COL4A6: variants seen among roughly 807,000 people sequenced by gnomAD.
COL4A6 encodes the protein collagen alpha-6(IV) chain.
COL4A6 carries 59 observed loss-of-function variants against 126.7 expected under a neutral mutation model. That is an observed-to-expected ratio of 0.47 (90% CI 0.38 to 0.58). The LOEUF is 0.58. COL4A6 is among the 20% of genes least tolerant of loss of function. COL4A6 has a pLI of 0.00. For missense variants in COL4A6, 1,285 were observed against 1,337.3 expected, an observed-to-expected ratio of 0.96 and a Z score of 0.61; for synonymous variants, 547 against 496.6, an observed-to-expected ratio of 1.10 and a Z score of -1.35.
intron 2 of COL4A6, among the ~76,000 whole-genome samples, chrX:108,360,079 ATCT>A (rs1229009755): frequency 8.9e-6 from 1 of 111,762 alleles, no homozygotes; most frequent in Non-Finnish European, 1.9e-5. Flanking sequence ...CTACCAACTA[ATCT>A]TCTTACCCAA....
At chrX:108,391,313 G>A (rs1279338041) in intron 2 of COL4A6, among the ~76,000 whole-genome samples, 2 of 111,849 alleles carry the variant, frequency 1.8e-5, no homozygotes, top group African/African-American at 6.5e-5. Context: ...CTTCCCCCAG[G>A]TGCTCTGTCC....
At chrX:108,416,346 ACAATTT>A in intron 2 of COL4A6, among the ~76,000 whole-genome samples, 1 of 112,282 alleles carries the variant, frequency 8.9e-6, no homozygotes, top group East Asian at 2.8e-4. Context: ...TAGAAAATAA[ACAATTT>A]GTTACAGCAC....
intron 30 of COL4A6, among the ~76,000 whole-genome samples, 196 bp from the exon 31 acceptor site, chrX:108,174,817 A>G (rs1034977972): frequency 9.0e-6 from 1 of 111,378 alleles, no homozygotes; most frequent in African/African-American, 3.3e-5. Flanking sequence ...CCACTGGGAA[A>G]GCAGCACAGT....
At chrX:108,209,933 C>T (rs374786948) in intron 8 of COL4A6, 36 bp downstream of exon 8, 54 of 1,197,118 alleles carry the variant, frequency 4.5e-5, no homozygotes, top group Non-Finnish European at 5.3e-5. Flanking sequence ...GATTTTTAGT[C>T]AACACTGAGA....
intron 2 of COL4A6, among the ~76,000 whole-genome samples, chrX:108,348,997 A>C (rs944475728): frequency 1.8e-5 from 2 of 111,482 alleles, no homozygotes; most frequent in Non-Finnish European, 3.8e-5. Context: ...CTCCCAACTT[A>C]GCATCCAGTG....
chrX:108,278,633 T>C (rs1250465165), intron 3 of COL4A6, among the ~76,000 whole-genome samples: 17 of 108,826 alleles, frequency 1.6e-4, no homozygotes, highest in Non-Finnish European at 3.8e-5. Context: ...ATTCAGGAAA[T>C]ACAGAGAATG....
chrX:108,250,221 T>C (rs990576013), intron 3 of COL4A6, among the ~76,000 whole-genome samples: 3 of 110,957 alleles, frequency 2.7e-5, no homozygotes, highest in Admixed American at 9.5e-5. Context: ...TGCCTTTTAC[T>C]TCAAGTCTTT....
intron 41 of COL4A6, 21 bp downstream of exon 41, chrX:108,162,871 T>C: frequency 1.8e-6 from 2 of 1,131,454 alleles, no homozygotes; most frequent in Non-Finnish European, 2.3e-6. Context: ...ACAAATCTCC[T>C]TTTTCTGGCA....
intron 2 of COL4A6, among the ~76,000 whole-genome samples, chrX:108,386,172 A>G (rs2040686491): frequency 9.0e-6 from 1 of 111,583 alleles, no homozygotes; most frequent in South Asian, 3.8e-4. Context: ...CAGTGCCACA[A>G]TAAACATACA....
intron 7 of COL4A6, among the ~76,000 whole-genome samples, 165 bp from the exon 8 acceptor site, chrX:108,210,169 G>A (rs1467364932): frequency 8.9e-6 from 1 of 112,639 alleles, no homozygotes; most frequent in African/African-American, 3.2e-5. Context: ...ATATTCGACT[G>A]TTTAGATTGT....
At chrX:108,207,081 GAGTT>G (rs2035566511) in intron 8 of COL4A6, among the ~76,000 whole-genome samples, 1 of 111,711 alleles carries the variant, frequency 9.0e-6, no homozygotes, top group African/African-American at 3.3e-5. Context: ...ATACACTTAA[GAGTT>G]AGGTGTTTCA....
chrX:108,179,986 A>G (rs1469117993), intron 25 of COL4A6, among the ~76,000 whole-genome samples: 1 of 110,452 alleles, frequency 9.1e-6, no homozygotes, highest in Non-Finnish European at 1.9e-5. Flanking sequence ...CATTTCCATC[A>G]AGTTCCTAGG....
chrX:108,289,868 T>C (rs999130245), intron 3 of COL4A6, among the ~76,000 whole-genome samples: 3 of 112,305 alleles, frequency 2.7e-5, no homozygotes, highest in Non-Finnish European at 3.8e-5. Context: ...TGGCTTGCAC[T>C]GGCCTGCATT....
At chrX:108,307,768 G>A (rs903483450) in intron 3 of COL4A6, among the ~76,000 whole-genome samples, 4 of 111,625 alleles carry the variant, frequency 3.6e-5, no homozygotes, top group African/African-American at 9.8e-5. Context: ...GCACACAAGG[G>A]GTACTGAGAG....
intron 3 of COL4A6, among the ~76,000 whole-genome samples, chrX:108,263,452 C>G (rs181207063): frequency 8.9e-6 from 1 of 111,791 alleles, no homozygotes; most frequent in Non-Finnish European, 1.9e-5. Context: ...AGCTTAGGAC[C>G]GTGGTTCCCA....
intron 3 of COL4A6, among the ~76,000 whole-genome samples, chrX:108,274,648 T>C (rs763107796): frequency 8.9e-6 from 1 of 111,830 alleles, no homozygotes; most frequent in Admixed American, 9.5e-5. Flanking sequence ...CTGGCTAAAA[T>C]TGTAGTATCA....
chrX:108,406,202 C>A (rs2041203363), intron 2 of COL4A6, among the ~76,000 whole-genome samples: 2 of 111,663 alleles, frequency 1.8e-5, no homozygotes, highest in African/African-American at 6.5e-5. Context: ...AACTCCTGGA[C>A]CCACACCATC....
At chrX:108,358,618 C>T (rs1442702155) in intron 2 of COL4A6, among the ~76,000 whole-genome samples, 1 of 111,452 alleles carries the variant, frequency 9.0e-6, no homozygotes, top group Non-Finnish European at 1.9e-5. Context: ...TGGTCTCGAA[C>T]TCCTGAACTC....
intron 2 of COL4A6, among the ~76,000 whole-genome samples, chrX:108,406,697 G>A (rs1281092604): frequency 1.8e-5 from 2 of 112,244 alleles, no homozygotes; most frequent in Admixed American, 9.5e-5. Context: ...GCCTGAAATA[G>A]TCTTTCTTTC....
Sources: gnomAD v4.1 joint callset for allele counts (sites outside exome capture counted in the v4.1 genomes callset) on GRCh38, gnomAD v4.1.1 for gene constraint, MANE v1.5 for transcripts, NCBI Gene and HGNC (gene_info 2026-07-23, HGNC 2026-07-21) for gene names.